The following MYB variants were observed in gnomAD, a reference collection of about 807,000 sequenced individuals.
MYB encodes the protein transcriptional activator Myb.
Under a neutral mutation model 92.9 loss-of-function variants are expected in MYB, and 28 were observed. The observed-to-expected ratio is 0.30, with a 90% CI of 0.22 to 0.41. MYB has a LOEUF of 0.41. Ranked by LOEUF, MYB falls within the 10% of genes least tolerant of loss-of-function variation. The pLI, the probability that MYB is intolerant of heterozygous loss-of-function variation, is 1.00. For missense variants in MYB, 679 were observed against 929.3 expected (o/e 0.73, Z 3.50); for synonymous variants, 295 against 329.1 (o/e 0.90, Z 1.12).
At position 135,194,572 on chromosome 6, in the gene MYB, G is replaced by A. The variant is rs1777034613; in HGVS notation, c.948+112G>A. On this transcript the variant is annotated intron_variant, in intron 8 of 15. Coordinates refer to ENST00000341911, the MANE Select transcript of MYB (RefSeq NM_001130173.2). ...TAGCAAGGCTCCATATATCCATTCAGAATGTCTCAACACAAGAAGTTGCTT... is the reference window on the plus strand; with the variant it reads ...TAGCAAGGCTCCATATATCCATTCAAAATGTCTCAACACAAGAAGTTGCTT... 3 of 725,944 alleles carry A rather than the reference G, an allele frequency of 4.1e-6. No homozygotes were observed. The East Asian group carries it at 7.9e-5, about 19-fold the overall frequency. The allele number at this position is 725,944 out of a possible 1,614,324, so 45.0% of individuals were successfully genotyped here. A position where few individuals can be genotyped will look rare whatever the true frequency, so the allele number is the denominator to read the frequency against.
chr6:135,208,368 C>T (rs1008663452), intron 15 of MYB, among the ~76,000 whole-genome samples: 5 of 148,804 alleles, frequency 3.4e-5, no homozygotes, highest in African/African-American at 5.0e-5. Flanking sequence ...TGAGCCACTG[C>T]ACCCGGCCAG....
intron 5 of MYB, among the ~76,000 whole-genome samples, chr6:135,191,705 G>A (rs2128291547): frequency 6.6e-6 from 1 of 152,314 alleles, no homozygotes; most frequent in East Asian, 1.9e-4. Flanking sequence ...TAGTAAAAAT[G>A]CGTTGCCTTT....
Position 135,200,280 on chromosome 6 carries a change from T to C in MYB, c.1825-10T>C, listed in dbSNP as rs1156372035. The C allele has an allele frequency of 6.2e-7, 1 of 1,613,848 alleles. No individual in the cohort carries two copies. Among genetic ancestry groups the C allele is most frequent in the African/African-American group, 1.3e-5 (1 of 74,864 alleles). ...CTCTCTGATGCAAAAATACCCACTC[T>C]TCCGTTTAGCCTCAGACACCCTCTC... On this transcript the variant is annotated splice_polypyrimidine_tract_variant and intron_variant, in intron 12 of 15. Transcript: ENST00000341911.
In MYB at chr6:135,182,937, G is replaced by T. The variant is rs537402934; in HGVS notation, c.23+1401G>T. 7.9e-4 allele frequency among the ~76,000 whole-genome samples: 120 copies of T among 152,080 alleles called. 1 individual carries two copies. The highest frequency in any genetic ancestry group is 2.7e-3 in the African/African-American group (112 of 41,498). Reference sequence around the variant, plus strand: ...ACTCCGGAGCCTGGCCGCGCAGGACGGTGTGCTGCCCCTCGAGGGCTCCAC... The same window carrying T: ...ACTCCGGAGCCTGGCCGCGCAGGACTGTGTGCTGCCCCTCGAGGGCTCCAC... On this transcript the variant is annotated intron_variant, in intron 1 of 15. Transcript: ENST00000341911. This position sits in a 1 kb window ranked among gnomAD's most constrained non-coding sequence, Gnocchi z 5.6.
In MYB at chr6:135,190,001, C is replaced by T. The variant is rs932578919; in HGVS notation, c.306+118C>T. On this transcript the variant is annotated intron_variant, in intron 4 of 15. Transcript: ENST00000341911. This position sits in a 1 kb window ranked among gnomAD's most constrained non-coding sequence, Gnocchi z 4.5. ...AAACAGGAAGTAGAGGACTCTATTC[C>T]CATATTTCCAGTGAATGAAAGCAAA... 1.0e-4 allele frequency: 144 copies of T among 1,391,168 alleles called. No homozygotes were observed. The highest frequency in any genetic ancestry group is 1.4e-4 in the Non-Finnish European group (142 of 1,008,248). 86.2% of individuals were successfully genotyped at this position (1,391,168 alleles called of 1,614,324 possible). A position where few individuals can be genotyped will look rare whatever the true frequency, so the allele number is the denominator to read the frequency against.
intron 15 of MYB, 79 bp from the exon 16 acceptor site, chr6:135,217,785 T>C: frequency 1.1e-6 from 1 of 929,820 alleles, no homozygotes; most frequent in Non-Finnish European, 1.7e-6. Context: ...TGCCATCTGT[T>C]GGTCAGTGCT....
At position 135,181,414 on chromosome 6, in the gene MYB, T is replaced by A; in HGVS notation, c.-100T>A. On this transcript the variant is annotated 5_prime_UTR_variant, in exon 1 of 16. Coordinates refer to ENST00000341911, the MANE Select transcript of MYB (RefSeq NM_001130173.2). The surrounding 1 kb of genome is among the most constrained non-coding windows in gnomAD (Gnocchi z 5.3). ...TCGCCCCAGCGGTGCGGAGCGCCGCTGCGCAGCCGGGGAGGGACGCAGGCA... is the reference window on the plus strand; with the variant it reads ...TCGCCCCAGCGGTGCGGAGCGCCGCAGCGCAGCCGGGGAGGGACGCAGGCA... The A allele has an allele frequency of 1.2e-6, 1 of 844,358 alleles. No homozygotes were observed. Among genetic ancestry groups the A allele is most frequent in the South Asian group, 4.5e-5 (1 of 22,404 alleles). 52.3% of individuals were successfully genotyped at this position (844,358 alleles called of 1,614,324 possible).
At chr6:135,203,144 C>A in intron 14 of MYB, 73 bp from the exon 15 acceptor site, 3 of 1,096,758 alleles carry the variant, frequency 2.7e-6, no homozygotes, top group Non-Finnish European at 1.4e-6. Context: ...ATCTACTCTC[C>A]ACAGTGTTAG....
In MYB at chr6:135,218,668, A is replaced by T. The variant is rs1004839271; in HGVS notation, c.*688A>T. ...GGTCTTAGCCTGTAGACATGCTGCT[A>T]GTATCAGAGGGGCAGTAGAGCTTGG... On this transcript the variant is annotated 3_prime_UTR_variant, in exon 16 of 16. Coordinates refer to ENST00000341911, the MANE Select transcript of MYB (RefSeq NM_001130173.2). The T allele has an allele frequency of 3.1e-5, 6 of 191,378 alleles. No individual in the cohort carries two copies. The highest frequency in any genetic ancestry group is 1.4e-4 in the African/African-American group (6 of 42,988). 11.9% of individuals were successfully genotyped at this position (191,378 alleles called of 1,614,324 possible). A position where few individuals can be genotyped will look rare whatever the true frequency, so the allele number is the denominator to read the frequency against.
rs746978847 is a variant in MYB, at chr6:135,197,156, T to C, written c.1399T>C (p.Leu467=). 2.5e-6 allele frequency: 4 copies of C among 1,613,978 alleles called. No individual in the cohort carries two copies. In the East Asian group the frequency reaches 8.9e-5, roughly 36 times the overall value. ...SESSLDPPKV[L]PPARHSTIPL... ...GAGTTCACTTGACCCACCCAAGGTC[T>C]TACCTCCTGCAAGGCACAGCACAAT... Residue 467 remains leucine, a synonymous_variant, in exon 10 of 16, where the codon TTA becomes CTA. Coordinates refer to ENST00000341911, the MANE Select transcript of MYB (RefSeq NM_001130173.2).
At position 135,197,239 on chromosome 6, in the gene MYB, C is replaced by T. The variant is rs1777453878; in HGVS notation, c.1482C>T (p.Asp494=). Residue 494 remains aspartate, a synonymous_variant, in exon 10 of 16, where the codon GAC becomes GAT. Transcript: ENST00000341911. ...AGGCCAGCCCCTTAGCCACTGGAGACTGTAGCTCCTTCATATTTGCTGACG... is the reference window on the plus strand; with the variant it reads ...AGGCCAGCCCCTTAGCCACTGGAGATTGTAGCTCCTTCATATTTGCTGACG... ...RGQASPLATG[D]CSSFIFADVS... 2 of 1,614,034 alleles carry T rather than the reference C, an allele frequency of 1.2e-6. No individual in the cohort carries two copies. The highest frequency in any genetic ancestry group is 1.3e-5 in the African/African-American group (1 of 75,054).
At chr6:135,185,611 T>C (rs1299917482) in intron 1 of MYB, among the ~76,000 whole-genome samples, 1 of 152,206 alleles carries the variant, frequency 6.6e-6, no homozygotes, top group Non-Finnish European at 1.5e-5. Flanking sequence ...GGTTGGAAGG[T>C]GGCCAAATGT....
intron 5 of MYB, among the ~76,000 whole-genome samples, chr6:135,191,154 A>C (rs903504754): frequency 3.3e-5 from 5 of 152,358 alleles, no homozygotes; most frequent in Non-Finnish European, 5.9e-5. Context: ...TAAAGAAATA[A>C]TGTATTTCTT....
chr6:135,193,755 AGAAC>A, intron 6 of MYB, 79 bp from the exon 7 acceptor site: 2 of 882,294 alleles, frequency 2.3e-6, no homozygotes, highest in Admixed American at 4.3e-5. Context: ...TCTCAGTCCC[AGAAC>A]GAAACCTCAG....
In MYB at chr6:135,195,569, G is replaced by A. The variant is rs1434764328; in HGVS notation, c.949-179G>A. 3 of 649,596 alleles carry A rather than the reference G, an allele frequency of 4.6e-6. No homozygotes were observed. In the Admixed American group the frequency reaches 8.7e-5, roughly 19 times the overall value. 40.2% of individuals were successfully genotyped at this position (649,596 alleles called of 1,614,324 possible). On this transcript the variant is annotated intron_variant, in intron 8 of 15. Coordinates refer to ENST00000341911, the MANE Select transcript of MYB (RefSeq NM_001130173.2). ...AACCTCTAGCACTATTAAAAACAGG[G>A]TCTTGCATTGATAAAAGGAAACATC...
rs1259763490 is a variant in MYB, at chr6:135,218,955, T to C, written c.*975T>C. ...GCCTGACTGTTTTATAATTTGGGAG[T>C]TCTGCATTTGATCCGCATCCCCTGT... On this transcript the variant is annotated 3_prime_UTR_variant, in exon 16 of 16. Transcript: ENST00000341911. 4.4e-6 allele frequency: 1 copy of C among 226,092 alleles called. No individual in the cohort carries two copies. 14.0% of individuals were successfully genotyped at this position (226,092 alleles called of 1,614,324 possible).
chr6:135,195,642 T>C (rs1212056526), intron 8 of MYB, 106 bp from the exon 9 acceptor site: 18 of 1,310,586 alleles, frequency 1.4e-5, no homozygotes, highest in Non-Finnish European at 1.9e-5. Flanking sequence ...CAACTACTCT[T>C]ATCTTTCCTC....
Position 135,192,477 on chromosome 6 carries a change from G to T in MYB, c.681G>T (p.Pro227=). ...NSHLMGFAQA[P]PTAQLPATGQ... ...ATTTGATGGGTTTTGCTCAGGCTCCGCCTACAGCTCAACTCCCTGCCACTG... is the reference window on the plus strand; with the variant it reads ...ATTTGATGGGTTTTGCTCAGGCTCCTCCTACAGCTCAACTCCCTGCCACTG... Residue 227 remains proline, a synonymous_variant, in exon 6 of 16, where the codon CCG becomes CCT. Coordinates refer to ENST00000341911, the MANE Select transcript of MYB (RefSeq NM_001130173.2). 1 of 1,614,220 alleles carries T rather than the reference G, an allele frequency of 6.2e-7. No homozygotes were observed. Among genetic ancestry groups the T allele is most frequent in the East Asian group, 2.2e-5 (1 of 44,894 alleles).
At chr6:135,192,181 G>A (rs986404248) in intron 5 of MYB, 143 bp from the exon 6 acceptor site, 24 of 657,076 alleles carry the variant, frequency 3.7e-5, no homozygotes, top group Non-Finnish European at 5.6e-5. Context: ...CTCAGAGGGT[G>A]GAGAAGAAGG....
Sources: gnomAD v4.1 joint callset for allele counts (sites outside exome capture counted in the v4.1 genomes callset) on GRCh38, gnomAD v4.1.1 for gene constraint, Gnocchi (gnomAD v3.1) non-coding constraint, MANE v1.5 for transcripts, NCBI Gene and HGNC (gene_info 2026-07-23, HGNC 2026-07-21) for gene names.